ERI2: variants seen among roughly 807,000 people sequenced by gnomAD.
ERI2 encodes the protein ERI1 exoribonuclease 2.
ERI2 carries 35 observed loss-of-function variants against 46.8 expected under a neutral mutation model. The ratio of observed to expected loss-of-function variants is 0.75; its 90% CI spans 0.57 to 0.99. The LOEUF is 0.99. Among genes scored for constraint, ERI2 ranks in the 50% least tolerant of loss-of-function variants. The pLI, the probability that ERI2 is intolerant of heterozygous loss-of-function variation, is 0.00. For missense variants in ERI2, 695 were observed against 796.2 expected, an observed-to-expected ratio of 0.87 and a Z score of 1.53; for synonymous variants, 224 against 271.0, an observed-to-expected ratio of 0.83 and a Z score of 1.70.
At chr16:20,792,397 CAGT>C, downstream of ERI2, 1 of 1,594,364 alleles carries the variant, frequency 6.3e-7, no homozygotes, top group Non-Finnish European at 8.6e-7. Context: ...TACTTACAAA[CAGT>C]AGCTCAGTGA....
chr16:20,784,288 T>C (rs2080420670), intron 10 of ERI2, among the ~76,000 whole-genome samples: 1 of 152,234 alleles, frequency 6.6e-6, no homozygotes, highest in African/African-American at 2.4e-5. Flanking sequence ...GTTATACTAG[T>C]CCTGTTTCTA....
chr16:20,799,197 T>G, intron 8 of ERI2, 66 bp downstream of exon 8: 1 of 1,581,070 alleles, frequency 6.3e-7, no homozygotes. Flanking sequence ...AAATCTACGT[T>G]TCAAAGAACG....
chr16:20,795,641 C>T (rs1287496908), downstream of ERI2, among the ~76,000 whole-genome samples: 2 of 152,210 alleles, frequency 1.3e-5, no homozygotes, highest in Non-Finnish European at 2.9e-5. Context: ...ACTGTGCCTA[C>T]AGGGAAGCAT....
At position 20,790,504 on chromosome 16, in the gene ERI2, C is replaced by A; in HGVS notation, c.815+346G>T. ...GTCTTCATTTTTAAATGGCAAAAGC[C>A]AAAATAAAACTTGCAAAGTTAATAT... is the stretch of plus-strand genomic sequence containing the variant. On this transcript the variant is annotated intron_variant, in intron 9 of 10. Transcript: ENST00000300005. This position sits in a 1 kb window ranked among gnomAD's most constrained non-coding sequence, Gnocchi z 4.0. The A allele has an allele frequency of 7.2e-7, 1 of 1,383,738 alleles. No homozygotes were observed. The highest frequency in any genetic ancestry group is 1.0e-6 in the Non-Finnish European group (1 of 999,028). The allele number at this position is 1,383,738 out of a possible 1,614,324, so 85.7% of individuals were successfully genotyped here.
At chr16:20,789,676 CTATTT>C (rs2080551268) in intron 9 of ERI2, 1 of 548,616 alleles carries the variant, frequency 1.8e-6, no homozygotes, top group African/African-American at 2.0e-5. Flanking sequence ...TAAAGCAACT[CTATTT>C]TTCTTTTTTT....
In ERI2 at chr16:20,800,342, A is replaced by C; in HGVS notation, c.521T>G (p.Val174Gly). The C allele has an allele frequency of 6.2e-7, 1 of 1,610,810 alleles. No individual in the cohort carries two copies. The highest frequency in any genetic ancestry group is 8.5e-7 in the Non-Finnish European group (1 of 1,178,022). The change falls in exon 6 of 9, where the codon GTG becomes GGG. Residue 174 changes from valine to glycine, a missense_variant. Physicochemically the swap from Val to Gly is moderately radical, Grantham distance 109 (BLOSUM62 -3). Transcript: ENST00000357967. ...ECKRKQLLKPVFLNSWIDLRA... is the reference protein window; with the variant it reads ...ECKRKQLLKPGFLNSWIDLRA... Reference sequence around the variant, plus strand: ...GAGATCAATCCAAGAATTTAAAAACACAGGTTTTAACAGCTGCTTTCTTTT... The same window carrying C: ...GAGATCAATCCAAGAATTTAAAAACCCAGGTTTTAACAGCTGCTTTCTTTT...
chr16:20,802,486 C>T, intron 4 of ERI2, among the ~76,000 whole-genome samples: 1 of 152,080 alleles, frequency 6.6e-6, no homozygotes, highest in East Asian at 1.9e-4. Flanking sequence ...GCCTCAAACT[C>T]CTGGGCTCAA....
chr16:20,787,474 T>C (rs1307600476), intron 10 of ERI2, among the ~76,000 whole-genome samples: 2 of 152,224 alleles, frequency 1.3e-5, no homozygotes, highest in African/African-American at 4.8e-5. Flanking sequence ...ATAAACATCA[T>C]ATGGATATCT....
rs985498903 is a variant in ERI2, at chr16:20,797,666, T to A, written c.*58A>T. ...AAAAATAAAATAGTGTAAGATGTTA[T>A]CAGAATACTCATGTTTGGAAATTCA... On this transcript the variant is annotated 3_prime_UTR_variant, in exon 9 of 9. Coordinates refer to ENST00000357967, the MANE Select transcript of ERI2 (RefSeq NM_001142725.2). 4.1e-6 allele frequency: 6 copies of A among 1,451,284 alleles called. No homozygotes were observed. Among genetic ancestry groups the A allele is most frequent in the Non-Finnish European group, 5.4e-6 (6 of 1,103,254 alleles). The allele number at this position is 1,451,284 out of a possible 1,614,324, so 89.9% of individuals were successfully genotyped here.
At chr16:20,800,927 C>G (rs2080788869) in intron 5 of ERI2, among the ~76,000 whole-genome samples, 1 of 151,940 alleles carries the variant, frequency 6.6e-6, no homozygotes, top group African/African-American at 2.4e-5. Context: ...TAAGAGTGTT[C>G]ACTAAATCAT....
In ERI2 at chr16:20,796,699, G is replaced by A; in HGVS notation, c.*1025C>T. ...GGTCCTTTGGCTTACTGGACTCACA[G>A]TAAATACTTAATATCAAGACAACTT... is the stretch of plus-strand genomic sequence containing the variant. On this transcript the variant is annotated 3_prime_UTR_variant, in exon 9 of 9. Transcript: ENST00000357967. The A allele has an allele frequency of 6.8e-7, 1 of 1,480,758 alleles. No individual in the cohort carries two copies. 91.7% of individuals were successfully genotyped at this position (1,480,758 alleles called of 1,614,324 possible). A position where few individuals can be genotyped will look rare whatever the true frequency, so the allele number is the denominator to read the frequency against.
intron 10 of ERI2, among the ~76,000 whole-genome samples, chr16:20,788,272 G>A (rs2080518167): frequency 6.6e-6 from 1 of 152,108 alleles, no homozygotes; most frequent in Admixed American, 6.5e-5. Context: ...CAGGGAAGTT[G>A]ATATGTAACA....
Position 20,797,926 on chromosome 16 carries a change from C to A in ERI2, c.1874G>T (p.Gly625Val), listed in dbSNP as rs2080750388. ...HGKVFYCCPI[G>V]KYQENRKCCG... is the part of the protein sequence containing the mutation. ...ACATTTTCTGTTTTCTTGGTATTTC[C>A]CGATAGGGCAACAATAGAAGACTTT... Residue 625 changes from glycine (G) to valine (V), a missense_variant, in exon 9 of 9, where the codon GGG becomes GTG. Gly to Val is a moderately radical substitution (Grantham distance 109, BLOSUM62 -3). Coordinates refer to ENST00000357967, the MANE Select transcript of ERI2 (RefSeq NM_001142725.2). 1 of 1,551,522 alleles carries A rather than the reference C, an allele frequency of 6.4e-7. No individual in the cohort carries two copies. The highest frequency in any genetic ancestry group is 2.4e-5 in the East Asian group (1 of 40,926).
intron 1 of ERI2, among the ~76,000 whole-genome samples, 163 bp from the exon 2 acceptor site, chr16:20,803,833 A>C (rs966231122): frequency 6.6e-6 from 1 of 152,130 alleles, no homozygotes; most frequent in African/African-American, 2.4e-5. Context: ...TCGAAAGTAC[A>C]TATTTGCAAA....
At position 20,798,808 on chromosome 16, in the gene ERI2, A is replaced by G; in HGVS notation, c.992T>C (p.Phe331Ser). The change falls in exon 9 of 9, where the codon TTT (phenylalanine) becomes TCT (serine). Residue 331 changes from phenylalanine (F) to serine (S), a missense_variant. Phe to Ser is a radical substitution (Grantham distance 155). Coordinates refer to ENST00000357967, the MANE Select transcript of ERI2 (RefSeq NM_001142725.2). ...LHNVKSSLPL[F>S]NTKSSTSVGQ... ...CACAGAAGTAGAGGACTTAGTATTA[A>G]AAAGAGGTAAGGAACTTTTGACATT... 1 of 1,551,634 alleles carries G rather than the reference A, an allele frequency of 6.4e-7. No homozygotes were observed. The highest frequency in any genetic ancestry group is 8.7e-7 in the Non-Finnish European group (1 of 1,146,914).
intron 1 of ERI2, chr16:20,805,931 G>A: frequency 1.0e-6 from 1 of 1,001,842 alleles, no homozygotes; most frequent in Non-Finnish European, 1.2e-6. Flanking sequence ...AAAACTGCTG[G>A]CGAGTGTACC....
chr16:20,792,381 AACACATACTT>A (rs1261557330), downstream of ERI2: 2 of 1,606,140 alleles, frequency 1.2e-6, no homozygotes, highest in African/African-American at 2.7e-5. Context: ...TTGGCAATTT[AACACATACTT>A]ACAAACAGTA....
At chr16:20,780,945 T>A in intron 10 of ERI2, 29 of 1,613,476 alleles carry the variant, frequency 1.8e-5, no homozygotes, top group Non-Finnish European at 2.5e-5. Flanking sequence ...TTTTCCTATG[T>A]ACATCAGGGC....
intron 10 of ERI2, among the ~76,000 whole-genome samples, chr16:20,781,333 A>G (rs2080348858): frequency 6.6e-6 from 1 of 152,220 alleles, no homozygotes; most frequent in Non-Finnish European, 1.5e-5. Context: ...TCTGCCAGGC[A>G]CATATTGAAA....
Sources: gnomAD v4.1 joint callset for allele counts (sites outside exome capture counted in the v4.1 genomes callset) on GRCh38, gnomAD v4.1.1 for gene constraint, Gnocchi (gnomAD v3.1) non-coding constraint, MANE v1.5 for transcripts, NCBI Gene and HGNC (gene_info 2026-07-23, HGNC 2026-07-21) for gene names.